The following RERE variants were observed in gnomAD, a reference collection of about 807,000 sequenced individuals.
The protein encoded by RERE is arginine-glutamic acid dipeptide repeats protein.
Under a neutral mutation model 146.1 loss-of-function variants are expected in RERE, and 40 were observed. That is an observed-to-expected ratio of 0.27 (90% confidence interval 0.21 to 0.36). The LOEUF (loss-of-function observed/expected upper bound fraction) is 0.36. Ranked by LOEUF, RERE falls within the 10% of genes least tolerant of loss-of-function variation. The pLI, the probability that RERE is intolerant of heterozygous loss-of-function variation, is 1.00. For missense variants in RERE, 1,933 were observed against 2,138.7 expected (o/e 0.90, Z 1.90); for synonymous variants, 1,003 against 866.0 (o/e 1.16, Z -2.78).
At chr1:8,446,001 G>A (rs1366855349) in intron 11 of RERE, among the ~76,000 whole-genome samples, 4 of 152,094 alleles carry the variant, frequency 2.6e-5, no homozygotes, top group East Asian at 1.9e-4. Context: ...AGTGGCTGGC[G>A]CCTGTTGTTC....
At chr1:8,807,892 A>G (rs145612384) in intron 1 of RERE, among the ~76,000 whole-genome samples, 83 of 152,314 alleles carry the variant, frequency 5.4e-4, no homozygotes, top group African/African-American at 1.6e-3. Context: ...CCTGTTTACT[A>G]CACAAATTTA....
At chr1:8,453,622 A>G (rs1170351331) in intron 11 of RERE, among the ~76,000 whole-genome samples, 1 of 152,162 alleles carries the variant, frequency 6.6e-6, no homozygotes, top group Non-Finnish European at 1.5e-5. Context: ...CCTGGCTAAC[A>G]TGGTGAAACC....
At chr1:8,746,331 A>T (rs1640419955) in intron 1 of RERE, among the ~76,000 whole-genome samples, 1 of 152,180 alleles carries the variant, frequency 6.6e-6, no homozygotes, top group African/African-American at 2.4e-5. Flanking sequence ...ACCTAATAAC[A>T]TGTAGTTTGG....
At chr1:8,406,941 T>C (rs1183801486) in intron 12 of RERE, among the ~76,000 whole-genome samples, 3 of 152,106 alleles carry the variant, frequency 2.0e-5, no homozygotes. Context: ...GCCCGCATCA[T>C]CTCCACAACA....
rs183571980 is a variant in RERE at position 8,392,468 on chromosome 1, C to T, written c.1285-26494G>A. On this transcript the variant is annotated intron_variant, in intron 12 of 22. Coordinates refer to ENST00000400908, the MANE Select transcript of RERE (RefSeq NM_001042681.2). ...TAGATAAAAACAAACTTAGCCAAAACTTTTTCCTCTCCCCTGGGTCTCATT... is the reference window on the plus strand; with the variant it reads ...TAGATAAAAACAAACTTAGCCAAAATTTTTTCCTCTCCCCTGGGTCTCATT... Among the ~76,000 whole-genome samples, 111 of 152,302 alleles carry T rather than the reference C, an allele frequency of 7.3e-4. 1 individual carries two copies. The highest frequency in any genetic ancestry group is 8.7e-4 in the African/African-American group (36 of 41,556).
At chr1:8,568,919 C>T (rs1175778450) in intron 4 of RERE, among the ~76,000 whole-genome samples, 1 of 152,128 alleles carries the variant, frequency 6.6e-6, no homozygotes, top group Non-Finnish European at 1.5e-5. Flanking sequence ...GACTAATACA[C>T]TGACAAATAC....
intron 1 of RERE, chr1:8,786,113 G>C (rs1641254921): frequency 2.2e-6 from 1 of 446,210 alleles, no homozygotes; most frequent in Non-Finnish European, 4.1e-6. Context: ...ACTGGCAGCA[G>C]TCTAACTTTC....
intron 7 of RERE, among the ~76,000 whole-genome samples, chr1:8,533,978 C>G (rs1645691140): frequency 6.6e-6 from 1 of 152,226 alleles, no homozygotes; most frequent in African/African-American, 2.4e-5. Context: ...TCTCAACCAT[C>G]TCCAATATTT....
intron 1 of RERE, among the ~76,000 whole-genome samples, chr1:8,665,430 C>T (rs1025572031): frequency 2.0e-5 from 3 of 152,164 alleles, no homozygotes; most frequent in Non-Finnish European, 4.4e-5. Flanking sequence ...TTTCTTCTTC[C>T]TTCCCACCCT....
intron 4 of RERE, among the ~76,000 whole-genome samples, chr1:8,566,758 C>T (rs1286315778): frequency 6.6e-6 from 1 of 151,758 alleles, no homozygotes; most frequent in African/African-American, 2.4e-5. Flanking sequence ...ATATAGCAGA[C>T]TTCTGGAGGG....
At chr1:8,514,392 A>G (rs1310416853) in intron 7 of RERE, among the ~76,000 whole-genome samples, 1 of 152,252 alleles carries the variant, frequency 6.6e-6, no homozygotes, top group Non-Finnish European at 1.5e-5. Flanking sequence ...CTTTTGGTAT[A>G]GGGCAGAAGA....
At chr1:8,796,204 T>C (rs990007142) in intron 1 of RERE, among the ~76,000 whole-genome samples, 1 of 152,290 alleles carries the variant, frequency 6.6e-6, no homozygotes, top group South Asian at 2.1e-4. Context: ...ATGGGGTGTT[T>C]AATTTATATT....
At chr1:8,493,101 AAAC>A (rs962814613) in intron 10 of RERE, among the ~76,000 whole-genome samples, 2 of 152,128 alleles carry the variant, frequency 1.3e-5, no homozygotes, top group African/African-American at 2.4e-5. Flanking sequence ...AAACAACAAC[AAAC>A]AACAACAACA....
chr1:8,738,743 T>C (rs576479331), intron 1 of RERE, among the ~76,000 whole-genome samples: 50 of 152,338 alleles, frequency 3.3e-4, no homozygotes, highest in South Asian at 8.3e-4. Context: ...AATAATAAAC[T>C]ATAGTATCCC....
At chr1:8,612,672 T>C (rs1646806154) in intron 4 of RERE, among the ~76,000 whole-genome samples, 1 of 152,202 alleles carries the variant, frequency 6.6e-6, no homozygotes, top group African/African-American at 2.4e-5. Flanking sequence ...TAAATAAAAG[T>C]ATTAATAATA....
chr1:8,482,761 G>A (rs1644853580), intron 10 of RERE, among the ~76,000 whole-genome samples: 1 of 146,698 alleles, frequency 6.8e-6, no homozygotes, highest in African/African-American at 2.5e-5. Context: ...TGGAACTTTA[G>A]AAGGGAATTT....
intron 1 of RERE, among the ~76,000 whole-genome samples, chr1:8,697,149 A>G (rs1310807847): frequency 6.6e-6 from 1 of 152,192 alleles, no homozygotes; most frequent in Non-Finnish European, 1.5e-5. Flanking sequence ...TGATCTGTGG[A>G]AAGAGCACAG....
At chr1:8,749,683 T>C (rs568841367) in intron 1 of RERE, among the ~76,000 whole-genome samples, 15 of 151,534 alleles carry the variant, frequency 9.9e-5, no homozygotes, top group African/African-American at 3.6e-4. Context: ...AAGTGGAGAG[T>C]GGTCAGAGTT....
intron 1 of RERE, among the ~76,000 whole-genome samples, chr1:8,682,817 A>G (rs1639000216): frequency 6.6e-6 from 1 of 152,172 alleles, no homozygotes; most frequent in African/African-American, 2.4e-5. Flanking sequence ...TTTTCAACCC[A>G]GTCTTTATTA....
Sources: gnomAD v4.1 joint callset for allele counts (sites outside exome capture counted in the v4.1 genomes callset) on GRCh38, gnomAD v4.1.1 for gene constraint, MANE v1.5 for transcripts, NCBI Gene and HGNC (gene_info 2026-07-23, HGNC 2026-07-21) for gene names.